KYNU: variants seen among roughly 807,000 people sequenced by gnomAD.
KYNU encodes L-kynurenine hydrolase.
KYNU carries 54 observed loss-of-function variants against 59.2 expected under a neutral mutation model. The ratio of observed to expected loss-of-function variants is 0.91; its 90% CI spans 0.73 to 1.14. The LOEUF is 1.14. KYNU is among the 50% of genes most tolerant of loss of function. The pLI is 0.00. For missense variants in KYNU, 567 were observed against 554.4 expected (o/e 1.02, Z -0.23); for synonymous variants, 177 against 192.0 (o/e 0.92, Z 0.65).
At chr2:143,016,890 C>T (rs1275921554) in intron 10 of KYNU, among the ~76,000 whole-genome samples, 1 of 152,150 alleles carries the variant, frequency 6.6e-6, no homozygotes, top group Non-Finnish European at 1.5e-5. Flanking sequence ...TCAATCCCCT[C>T]CCTCTCTCCT....
At chr2:142,957,289 A>G (rs1411440862) in intron 6 of KYNU, among the ~76,000 whole-genome samples, 1 of 152,032 alleles carries the variant, frequency 6.6e-6, no homozygotes, top group Non-Finnish European at 1.5e-5. Context: ...AGGGTAAGCC[A>G]TTTCTATATC....
chr2:142,949,861 C>T (rs886169370), intron 4 of KYNU, among the ~76,000 whole-genome samples: 1 of 152,178 alleles, frequency 6.6e-6, no homozygotes, highest in Non-Finnish European at 1.5e-5. Context: ...TGTTGTCAGG[C>T]TGCAAATTTT....
intron 8 of KYNU, among the ~76,000 whole-genome samples, chr2:142,962,634 C>A (rs1368288293): frequency 6.6e-6 from 1 of 152,068 alleles, no homozygotes; most frequent in Non-Finnish European, 1.5e-5. Context: ...ATAGTAAATG[C>A]CTACCAAGTT....
At chr2:142,902,196 T>C (rs571369825) in intron 2 of KYNU, among the ~76,000 whole-genome samples, 2 of 152,334 alleles carry the variant, frequency 1.3e-5, no homozygotes, top group South Asian at 4.1e-4. Context: ...TAAACAATGA[T>C]GCCAACCCTT....
chr2:143,043,751 ATATATATTTATATT>A lies in KYNU; in HGVS notation c.*1593_*1606del, dbSNP rs906558167. 7.0e-6 allele frequency: 1 copy of A among 142,758 alleles called. No homozygotes were observed. Among genetic ancestry groups the A allele is most frequent in the African/African-American group, 2.5e-5 (1 of 39,462 alleles). 8.8% of individuals were successfully genotyped at this position (142,758 alleles called of 1,614,324 possible). The stretch of plus-strand genomic sequence containing the variant: ...AAATATATATAAATATATATACTTT[ATATATATTTATATT>A]TATATATTTATATATTTATATTTTA... On this transcript the variant is annotated 3_prime_UTR_variant, in exon 14 of 14. Coordinates refer to ENST00000264170, the MANE Select transcript of KYNU (RefSeq NM_003937.3).
Position 142,987,846 on chromosome 2 carries a change from G to T in KYNU, c.902+1825G>T, listed in dbSNP as rs189428076. ...ATGGGACAATGGGGCCTTTCCCTTTGCTATTCTCATGATGGTGAGTTCTTA... is the reference window on the plus strand; with the variant it reads ...ATGGGACAATGGGGCCTTTCCCTTTTCTATTCTCATGATGGTGAGTTCTTA... On this transcript the variant is annotated intron_variant, in intron 10 of 13. Transcript: ENST00000264170. Among the ~76,000 whole-genome samples the T allele has an allele frequency of 3.5e-4, 53 of 151,962 alleles. 1 individual carries two copies. The highest frequency in any genetic ancestry group is 1.2e-3 in the African/African-American group (51 of 41,484).
chr2:143,016,453 GA>G (rs1686248383), intron 10 of KYNU, among the ~76,000 whole-genome samples: 1 of 152,146 alleles, frequency 6.6e-6, no homozygotes, highest in South Asian at 2.1e-4. Context: ...ATCATTACCA[GA>G]AAAGTCTCAA....
In KYNU at chr2:143,013,294, T is replaced by A. The variant is rs80191520; in HGVS notation, c.903-16333T>A. 1.7e-3 allele frequency among the ~76,000 whole-genome samples: 221 copies of A among 133,356 alleles called. 2 individuals carry two copies. The East Asian group carries it at 0.043, about 26-fold the overall frequency. 87.5% of individuals were successfully genotyped at this position (133,356 alleles called of 152,430 possible). On this transcript the variant is annotated intron_variant, in intron 10 of 13. Coordinates refer to ENST00000264170, the MANE Select transcript of KYNU (RefSeq NM_003937.3). ...TGTCTCTCTCTGTTTCTCTGTCTCTTTCTCTGTGTGTGTGTGTGTGTGTGT... is the reference window on the plus strand; with the variant it reads ...TGTCTCTCTCTGTTTCTCTGTCTCTATCTCTGTGTGTGTGTGTGTGTGTGT...
In KYNU at chr2:143,043,346, T is replaced by C. The variant is rs1040737053; in HGVS notation, c.*1174T>C. The C allele has an allele frequency of 1.2e-4, 18 of 152,034 alleles. No homozygotes were observed. The highest frequency in any genetic ancestry group is 4.3e-4 in the African/African-American group (18 of 41,444). 9.4% of individuals were successfully genotyped at this position (152,034 alleles called of 1,614,324 possible). ...TTGGACTTACCTAGTTTTCAATTGT[T>C]GATGCCACAATCATTATTTATAAGT... On this transcript the variant is annotated 3_prime_UTR_variant, in exon 14 of 14. Coordinates refer to ENST00000264170, the MANE Select transcript of KYNU (RefSeq NM_003937.3).
At chr2:142,911,665 T>G (rs1333661920) in intron 2 of KYNU, among the ~76,000 whole-genome samples, 2 of 152,200 alleles carry the variant, frequency 1.3e-5, no homozygotes, top group Non-Finnish European at 2.9e-5. Context: ...TCATTCAGTA[T>G]GATGTTCGCT....
chr2:143,022,843 A>G (rs564694921), intron 10 of KYNU, among the ~76,000 whole-genome samples: 1 of 151,966 alleles, frequency 6.6e-6, no homozygotes, highest in African/African-American at 2.4e-5. Flanking sequence ...ATCCTTCTGC[A>G]TATGTTTTTC....
chr2:142,928,945 C>T (rs1344173086), intron 4 of KYNU, among the ~76,000 whole-genome samples: 5 of 139,654 alleles, frequency 3.6e-5, no homozygotes, highest in Admixed American at 2.4e-4. Context: ...GAGGTTGAGG[C>T]TGCAGTGAGC....
chr2:142,933,860 G>A lies in KYNU; in HGVS notation c.373+6119G>A, dbSNP rs529003929. On this transcript the variant is annotated intron_variant, in intron 4 of 13. Coordinates refer to ENST00000264170, the MANE Select transcript of KYNU (RefSeq NM_003937.3). The stretch of plus-strand genomic sequence containing the variant: ...TAGTATGCACCAGGTGAGCTGATGT[G>A]AAAGTTTGGAGTTGGGGTTTTCCCA... Among the ~76,000 whole-genome samples, 46 of 152,316 alleles carry A rather than the reference G, an allele frequency of 3.0e-4. No individual in the cohort carries two copies. In the South Asian group the frequency reaches 9.3e-3, roughly 31 times the overall value.
At chr2:142,990,067 C>T (rs1232189562) in intron 10 of KYNU, 4 of 151,796 alleles carry the variant, frequency 2.6e-5, no homozygotes, top group Non-Finnish European at 5.9e-5. Flanking sequence ...CGGCATTAAG[C>T]ATCATAACTC....
intron 8 of KYNU, among the ~76,000 whole-genome samples, chr2:142,969,722 G>A (rs1427039226): frequency 6.6e-6 from 1 of 152,180 alleles, no homozygotes. Flanking sequence ...CTCTGCTTCT[G>A]CAGCCACCCT....
chr2:142,960,962 G>T (rs745535063), intron 8 of KYNU, among the ~76,000 whole-genome samples, 192 bp downstream of exon 8: 2 of 151,870 alleles, frequency 1.3e-5, no homozygotes, highest in Non-Finnish European at 2.9e-5. Context: ...TGGGAGGCTG[G>T]AGCAGGGGGA....
intron 2 of KYNU, among the ~76,000 whole-genome samples, chr2:142,888,721 T>G (rs1357753053): frequency 6.6e-6 from 1 of 151,750 alleles, no homozygotes; most frequent in Non-Finnish European, 1.5e-5. Flanking sequence ...CCCTTCTTAC[T>G]ATTCTCACGC....
intron 10 of KYNU, among the ~76,000 whole-genome samples, chr2:143,004,340 C>T (rs971960754): frequency 6.6e-6 from 1 of 152,166 alleles, no homozygotes; most frequent in African/African-American, 2.4e-5. Flanking sequence ...AGATTCAAGT[C>T]TCAGGTCCAG....
chr2:143,000,080 T>C lies in KYNU; in HGVS notation c.902+14059T>C, dbSNP rs146734965. ...GGAAGAAAAACATCATATGAAAAATTAGTGACAGTCCGAAATAATTAGCTA... is the reference window on the plus strand; with the variant it reads ...GGAAGAAAAACATCATATGAAAAATCAGTGACAGTCCGAAATAATTAGCTA... On this transcript the variant is annotated intron_variant, in intron 10 of 13. Coordinates refer to ENST00000264170, the MANE Select transcript of KYNU (RefSeq NM_003937.3). 4.1e-4 allele frequency among the ~76,000 whole-genome samples: 63 copies of C among 152,202 alleles called. No homozygotes were observed. The East Asian group carries it at 0.011, about 27-fold the overall frequency.
Sources: allele counts gnomAD v4.1 joint callset (sites outside exome capture counted in the v4.1 genomes callset), GRCh38; gene constraint gnomAD v4.1.1; transcripts MANE v1.5; gene names NCBI Gene and HGNC (gene_info 2026-07-23, HGNC 2026-07-21).